The following TMEM132D variants were observed in gnomAD, a reference collection of about 807,000 sequenced individuals.
TMEM132D encodes the protein transmembrane protein 132D.
In TMEM132D, 21 loss-of-function variants were observed where a neutral mutation model predicts 62.3. The ratio of observed to expected loss-of-function variants is 0.34; its 90% confidence interval spans 0.24 to 0.49. TMEM132D has a LOEUF of 0.49. Among genes scored for constraint, TMEM132D ranks in the 20% least tolerant of loss-of-function variants. The pLI is 0.99. For synonymous variants in TMEM132D, 621 were observed against 575.6 expected (o/e 1.08, Z -1.13); for missense variants, 1,346 against 1,402.8 (o/e 0.96, Z 0.65).
Position 129,276,980 on chromosome 12 carries a change from G to A in TMEM132D, c.1299+60654C>T, listed in dbSNP as rs547405549. Reference sequence around the variant, plus strand: ...TCGTGACTGGCTGCTGTGTCTGTCAGAATCCTGCTGCCTAAAACTTCAAAG... The same window carrying A: ...TCGTGACTGGCTGCTGTGTCTGTCAAAATCCTGCTGCCTAAAACTTCAAAG... On this transcript the variant is annotated intron_variant, in intron 4 of 8. Transcript: ENST00000422113. Among the ~76,000 whole-genome samples the A allele has an allele frequency of 1.4e-3, 207 of 152,328 alleles. 1 individual carries two copies. Among genetic ancestry groups the A allele is most frequent in the Admixed American group, 3.1e-3 (47 of 15,300 alleles).
intron 2 of TMEM132D, among the ~76,000 whole-genome samples, chr12:129,555,043 C>T (rs1456995060): frequency 6.6e-6 from 1 of 152,182 alleles, no homozygotes; most frequent in Non-Finnish European, 1.5e-5. Flanking sequence ...TCTGTCCTTC[C>T]AAGACACCAA....
rs867288573 is a variant in TMEM132D, at chr12:129,708,630, A to C, written c.80-7932T>G. On this transcript the variant is annotated intron_variant, in intron 1 of 8. Coordinates refer to ENST00000422113, the MANE Select transcript of TMEM132D (RefSeq NM_133448.3). ...TCAGGTAAAAAAAAAAAAAAAAAAA[A>C]ACACACACACACACACACACACACA... Among the ~76,000 whole-genome samples the C allele has an allele frequency of 3.0e-3, 323 of 106,962 alleles. 1 individual carries two copies. The highest frequency in any genetic ancestry group is 0.011 in the African/African-American group (285 of 26,282). 70.2% of individuals were successfully genotyped at this position (106,962 alleles called of 152,430 possible).
intron 2 of TMEM132D, among the ~76,000 whole-genome samples, chr12:129,614,543 C>T (rs1244685833): frequency 2.0e-5 from 3 of 152,186 alleles, no homozygotes; most frequent in Non-Finnish European, 2.9e-5. Context: ...AGTTTAAATC[C>T]CAATCACTAA....
intron 4 of TMEM132D, among the ~76,000 whole-genome samples, chr12:129,319,774 T>C (rs1211837444): frequency 1.3e-5 from 2 of 152,332 alleles, no homozygotes; most frequent in South Asian, 4.1e-4. Flanking sequence ...CAGAAGGTAT[T>C]GTCCTTTCCT....
chr12:129,475,121 A>C (rs1297448341), intron 3 of TMEM132D, among the ~76,000 whole-genome samples: 12 of 152,244 alleles, frequency 7.9e-5, no homozygotes, highest in Admixed American at 7.8e-4. Flanking sequence ...TTGCTATCAA[A>C]AGCCACTGTG....
intron 7 of TMEM132D, 49 bp downstream of exon 7, chr12:129,081,710 T>C (rs747030297): frequency 6.5e-7 from 1 of 1,532,720 alleles, no homozygotes; most frequent in South Asian, 1.3e-5. Flanking sequence ...AGAGCAGAGG[T>C]GGGAAGACAG....
intron 5 of TMEM132D, among the ~76,000 whole-genome samples, chr12:129,168,363 C>T (rs1877623080): frequency 6.6e-6 from 1 of 152,018 alleles, no homozygotes; most frequent in South Asian, 2.1e-4. Flanking sequence ...AGTCATGAAA[C>T]CATGACCACT....
At chr12:129,617,672 C>A (rs147059053) in intron 2 of TMEM132D, among the ~76,000 whole-genome samples, 1 of 152,106 alleles carries the variant, frequency 6.6e-6, no homozygotes, top group African/African-American at 2.4e-5. Context: ...GTGCTGTCAA[C>A]GGTGCCTCAC....
intron 2 of TMEM132D, among the ~76,000 whole-genome samples, chr12:129,693,337 T>G (rs764183600): frequency 2.6e-5 from 4 of 152,206 alleles, no homozygotes; most frequent in Admixed American, 2.6e-4. Context: ...GTGTTCTCAC[T>G]GAAATAAGTA....
chr12:129,605,628 C>CACACATATATAT (rs1878604044), intron 2 of TMEM132D, among the ~76,000 whole-genome samples: 1 of 110,762 alleles, frequency 9.0e-6, no homozygotes, highest in African/African-American at 3.4e-5. Flanking sequence ...TATATACACA[C>CACACATATATAT]ACACACACAC....
At chr12:129,710,185 T>C (rs1471880012) in intron 1 of TMEM132D, among the ~76,000 whole-genome samples, 1 of 152,222 alleles carries the variant, frequency 6.6e-6, no homozygotes, top group Non-Finnish European at 1.5e-5. Context: ...CCATGAATAA[T>C]AGTTGTATCC....
At chr12:129,868,002 C>T (rs1040573267) in intron 1 of TMEM132D, among the ~76,000 whole-genome samples, 23 of 151,906 alleles carry the variant, frequency 1.5e-4, no homozygotes. Context: ...CATGAGGCGG[C>T]GTTTCTATGG....
intron 3 of TMEM132D, 62 bp downstream of exon 3, chr12:129,530,997 A>AAAAT: frequency 6.7e-7 from 1 of 1,499,990 alleles, no homozygotes; most frequent in Non-Finnish European, 8.9e-7. Flanking sequence ...TAGGAAAAAA[A>AAAAT]AAAAAAAATC....
chr12:129,468,791 G>C (rs1874003674), intron 3 of TMEM132D, among the ~76,000 whole-genome samples: 1 of 152,120 alleles, frequency 6.6e-6, no homozygotes, highest in Non-Finnish European at 1.5e-5. Flanking sequence ...ATATTTCTAA[G>C]TGCTCCAAGC....
intron 4 of TMEM132D, among the ~76,000 whole-genome samples, chr12:129,310,380 A>G (rs756614807): frequency 3.3e-5 from 5 of 152,212 alleles, no homozygotes; most frequent in Non-Finnish European, 5.9e-5. Flanking sequence ...GCAGCAGCTA[A>G]GCTGTTACCA....
chr12:129,334,131 A>G (rs1351598762), intron 4 of TMEM132D, among the ~76,000 whole-genome samples: 1 of 152,156 alleles, frequency 6.6e-6, no homozygotes, highest in East Asian at 1.9e-4. Flanking sequence ...ACAAAAACAG[A>G]AAATAAATAA....
intron 3 of TMEM132D, 28 bp downstream of exon 3, chr12:129,531,031 A>G (rs1485735079): frequency 6.3e-7 from 1 of 1,586,316 alleles, no homozygotes; most frequent in Non-Finnish European, 8.6e-7. Context: ...AGCTGATCTG[A>G]ATATATCGGA....
chr12:129,460,430 AGGCTGCCGGGATCT>A (rs1164603732), intron 3 of TMEM132D, among the ~76,000 whole-genome samples: 2 of 152,158 alleles, frequency 1.3e-5, no homozygotes, highest in Non-Finnish European at 2.9e-5. Context: ...ACATGAACTC[AGGCTGCCGGGATCT>A]GAGTAGCAGC....
rs550182984 is a variant in TMEM132D, at chr12:129,725,042, C to T, written c.80-24344G>A. ...CTGGGCTACCCTCTGGTTGTCTCTT[C>T]CCTACTCCAGTAAGCACAGAATCCA... On this transcript the variant is annotated intron_variant, in intron 1 of 8. Coordinates refer to ENST00000422113, the MANE Select transcript of TMEM132D (RefSeq NM_133448.3). Among the ~76,000 whole-genome samples, 3 of 152,308 alleles carry T rather than the reference C, an allele frequency of 2.0e-5. No homozygotes were observed. In the South Asian group the frequency reaches 6.2e-4, roughly 32 times the overall value.
Sources: gnomAD v4.1 joint callset for allele counts (sites outside exome capture counted in the v4.1 genomes callset) on GRCh38, gnomAD v4.1.1 for gene constraint, MANE v1.5 for transcripts, NCBI Gene and HGNC (gene_info 2026-07-23, HGNC 2026-07-21) for gene names.